The following ARMCX4 variants were observed in gnomAD, a reference collection of about 807,000 sequenced individuals.
The protein encoded by ARMCX4 is armadillo repeat-containing X-linked protein 4.
ARMCX4 carries 3 observed loss-of-function variants against 34.7 expected under a neutral mutation model. The observed-to-expected ratio is 0.09, with a 90% CI of 0.04 to 0.22. The LOEUF is 0.22. Among genes scored for constraint, ARMCX4 ranks in the 10% least tolerant of loss-of-function variants. ARMCX4 has a pLI of 1.00. For synonymous variants in ARMCX4, 513 were observed against 632.8 expected (o/e 0.81, Z 2.84); for missense variants, 1,448 against 1,720.8 (o/e 0.84, Z 2.81).
intron 4 of ARMCX4, among the ~76,000 whole-genome samples, chrX:101,463,254 T>G (rs1320795609): frequency 9.0e-6 from 1 of 111,554 alleles, no homozygotes; most frequent in Non-Finnish European, 1.9e-5. Flanking sequence ...AGCTCTAATA[T>G]TGTCACACAA....
At chrX:101,418,545 C>T (rs1555989532) in intron 1 of ARMCX4, among the ~76,000 whole-genome samples, 4 of 112,268 alleles carry the variant, frequency 3.6e-5, no homozygotes, top group African/African-American at 9.7e-5. Flanking sequence ...CAGGTGGGAC[C>T]GGGCACAGGC....
At chrX:101,434,289 T>G (rs1424100849) in intron 2 of ARMCX4, among the ~76,000 whole-genome samples, 2 of 103,330 alleles carry the variant, frequency 1.9e-5, no homozygotes, top group African/African-American at 7.1e-5. Flanking sequence ...ATCCTCATAC[T>G]GTCGCCTAGG....
intron 11 of ARMCX4, among the ~76,000 whole-genome samples, chrX:101,515,456 T>C (rs1437887917): frequency 1.9e-5 from 1 of 51,993 alleles, no homozygotes; most frequent in Non-Finnish European, 3.5e-5. Flanking sequence ...CCTTCCTTCC[T>C]TCCTTCCTTC....
intron 4 of ARMCX4, among the ~76,000 whole-genome samples, chrX:101,479,268 C>T (rs1319812352): frequency 1.9e-5 from 2 of 103,587 alleles, no homozygotes; most frequent in Non-Finnish European, 3.9e-5. Flanking sequence ...TTGGGGAATA[C>T]AGCTAATAAG....
chrX:101,432,311 G>C (rs1041645799), intron 2 of ARMCX4, among the ~76,000 whole-genome samples: 2 of 111,238 alleles, frequency 1.8e-5, no homozygotes, highest in African/African-American at 6.5e-5. Context: ...ATGTGAGGGA[G>C]TTCTGCTTTG....
At chrX:101,431,764 T>C (rs182095102) in intron 2 of ARMCX4, among the ~76,000 whole-genome samples, 511 of 111,796 alleles carry the variant, frequency 4.6e-3, no homozygotes, top group Admixed American at 7.8e-3. Context: ...AGGATGGTCT[T>C]GATCTCCTGA....
downstream of ARMCX4, among the ~76,000 whole-genome samples, chrX:101,499,949 A>G (rs1934259793): frequency 8.9e-6 from 1 of 112,058 alleles, no homozygotes; most frequent in African/African-American, 3.2e-5. Flanking sequence ...TTTGATCCAC[A>G]ATACATGGTT....
intron 4 of ARMCX4, among the ~76,000 whole-genome samples, chrX:101,455,118 C>G (rs1057110003): frequency 9.9e-5 from 11 of 111,352 alleles, no homozygotes; most frequent in Non-Finnish European, 1.9e-4. Context: ...GAAGGATAAG[C>G]AGAAGTTAGC....
intron 4 of ARMCX4, among the ~76,000 whole-genome samples, chrX:101,469,743 C>T (rs1208240485): frequency 1.8e-5 from 2 of 110,993 alleles, no homozygotes; most frequent in Non-Finnish European, 3.8e-5. Flanking sequence ...GAAGGTGGGA[C>T]TCTACTCCAG....
At chrX:101,454,400 C>T (rs1003322705) in intron 4 of ARMCX4, among the ~76,000 whole-genome samples, 6 of 108,286 alleles carry the variant, frequency 5.5e-5, no homozygotes, top group South Asian at 4.1e-4. Flanking sequence ...CTCAGCCTCC[C>T]GAGTAGCTGG....
At chrX:101,482,614 G>T (rs1933502216), upstream of ARMCX4, among the ~76,000 whole-genome samples, 1 of 109,925 alleles carries the variant, frequency 9.1e-6, no homozygotes, top group Non-Finnish European at 1.9e-5. Flanking sequence ...TATGTAGGGT[G>T]GTCTCAAACT....
chrX:101,445,591 G>A (rs73561179), intron 3 of ARMCX4, among the ~76,000 whole-genome samples: 2,251 of 112,018 alleles, frequency 0.02, 54 homozygotes, highest in African/African-American at 0.07. Flanking sequence ...GATTAGAGAA[G>A]GGTGGAGGAA....
chrX:101,528,769 C>G (rs1556021313), intron 11 of ARMCX4, among the ~76,000 whole-genome samples: 1 of 111,005 alleles, frequency 9.0e-6, no homozygotes, highest in Non-Finnish European at 1.9e-5. Flanking sequence ...AGGAATCCAA[C>G]TTACAAGGGC....
upstream of ARMCX4, among the ~76,000 whole-genome samples, chrX:101,483,784 T>C (rs7056223): frequency 1.8e-5 from 2 of 111,387 alleles, no homozygotes; most frequent in Admixed American, 1.9e-4. Flanking sequence ...TCACTTTCAA[T>C]TGAGTTCTGA....
intron 11 of ARMCX4, among the ~76,000 whole-genome samples, chrX:101,529,825 C>A (rs782022762): frequency 1.6e-4 from 18 of 111,665 alleles, no homozygotes; most frequent in African/African-American, 5.5e-4. Context: ...ATTAAAAAGT[C>A]AGGAAACAAC....
At chrX:101,438,529 C>T (rs1555995741) in intron 2 of ARMCX4, among the ~76,000 whole-genome samples, 1 of 111,135 alleles carries the variant, frequency 9.0e-6, no homozygotes, top group Non-Finnish European at 1.9e-5. Context: ...CGCGCCACTG[C>T]ACTCCAGTCT....
At chrX:101,433,187 CACA>C (rs1930372457) in intron 2 of ARMCX4, among the ~76,000 whole-genome samples, 1 of 30,218 alleles carries the variant, frequency 3.3e-5, no homozygotes. Flanking sequence ...TATACACGCA[CACA>C]TACACATATA....
downstream of ARMCX4, among the ~76,000 whole-genome samples, chrX:101,450,228 C>T (rs1931903143): frequency 8.9e-6 from 1 of 112,384 alleles, no homozygotes; most frequent in Non-Finnish European, 1.9e-5. Context: ...ACCTGGCTAC[C>T]ACCTATGTTT....
chrX:101,421,159 C>T (rs782728012), intron 2 of ARMCX4, among the ~76,000 whole-genome samples: 21 of 100,195 alleles, frequency 2.1e-4, no homozygotes, highest in South Asian at 4.9e-4. Flanking sequence ...GCTGAGATCG[C>T]GCCATTGCAC....
Sources: allele counts gnomAD v4.1 joint callset (sites outside exome capture counted in the v4.1 genomes callset), GRCh38; gene constraint gnomAD v4.1.1; transcripts MANE v1.5; gene names NCBI Gene and HGNC (gene_info 2026-07-23, HGNC 2026-07-21).